The following NOMO1 variants were observed in gnomAD, a reference collection of about 807,000 sequenced individuals.
The protein encoded by NOMO1 is nodal modulator 3.
A neutral mutation model predicts 133.8 loss-of-function variants in NOMO1; 40 were observed. That is an observed-to-expected ratio of 0.30 (90% CI 0.23 to 0.39). The LOEUF (loss-of-function observed/expected upper bound fraction) is 0.39, where lower values mean the gene tolerates loss of function less well. Among genes scored for constraint, NOMO1 ranks in the 10% least tolerant of loss-of-function variants. The pLI is 1.00. For synonymous variants in NOMO1, 236 were observed against 570.5 expected, an observed-to-expected ratio of 0.41 and a Z score of 8.36; for missense variants, 462 against 1,419.9, an observed-to-expected ratio of 0.33 and a Z score of 10.84.
At position 14,875,029 on chromosome 16, in the gene NOMO1, C is replaced by G. The variant is rs754349582; in HGVS notation, c.2055-7C>G. The stretch of plus-strand genomic sequence containing the variant: ...CAACTATGTCCTAGGGGCCGTCTTT[C>G]TTCTAGGTCTTCCATCGACAGTGAA... On this transcript the variant is annotated splice_polypyrimidine_tract_variant and splice_region_variant and intron_variant, in intron 18 of 30. Coordinates refer to ENST00000287667, the MANE Select transcript of NOMO1 (RefSeq NM_014287.4). 2 of 1,613,828 alleles carry G rather than the reference C, an allele frequency of 1.2e-6. No homozygotes were observed. The highest frequency in any genetic ancestry group is 3.3e-5 in the Admixed American group (2 of 60,018).
At chr16:14,887,916 G>A (rs961174071) in intron 28 of NOMO1, 7 of 150,200 alleles carry the variant, frequency 4.7e-5, no homozygotes, top group Admixed American at 1.3e-4. Flanking sequence ...AACGTGTGTC[G>A]TGTAGAACAC....
chr16:14,879,691 G>A (rs1364535983), intron 23 of NOMO1, among the ~76,000 whole-genome samples: 1 of 140,986 alleles, frequency 7.1e-6, no homozygotes, highest in African/African-American at 2.7e-5. Flanking sequence ...ACTACGGTGT[G>A]CTGTGATCGT....
At chr16:14,884,112 C>T (rs1230821601) in intron 26 of NOMO1, among the ~76,000 whole-genome samples, 676 of 118,756 alleles carry the variant, frequency 5.7e-3, no homozygotes, top group Middle Eastern at 0.025. Context: ...ATGAAATTTC[C>T]TAATTTTTAA....
chr16:14,846,024 C>CTT (rs1195109475), intron 4 of NOMO1, among the ~76,000 whole-genome samples: 9 of 122,968 alleles, frequency 7.3e-5, no homozygotes, highest in African/African-American at 1.3e-4. Context: ...TGTACATTTA[C>CTT]TTTTTTTTTT....
chr16:14,874,062 A>T (rs1350967395), intron 18 of NOMO1, among the ~76,000 whole-genome samples: 2 of 37,278 alleles, frequency 5.4e-5, no homozygotes, highest in African/African-American at 8.6e-5. Flanking sequence ...GCAGCTTCCC[A>T]GCTGGGCTTC....
At chr16:14,879,088 C>T (rs995105016) in intron 23 of NOMO1, among the ~76,000 whole-genome samples, 11 of 151,832 alleles carry the variant, frequency 7.2e-5, no homozygotes, top group Non-Finnish European at 1.6e-4. Flanking sequence ...AATTAATTTC[C>T]CTGGCCACAA....
intron 30 of NOMO1, 61 bp from the exon 31 acceptor site, chr16:14,895,453 G>T: frequency 1.2e-6 from 2 of 1,609,198 alleles, no homozygotes; most frequent in South Asian, 2.2e-5. Context: ...AGGCTCCGCT[G>T]TTCATCTGGC....
chr16:14,871,173 C>G (rs1778886271), intron 16 of NOMO1, among the ~76,000 whole-genome samples: 1 of 151,772 alleles, frequency 6.6e-6, no homozygotes. Context: ...TCACACTTTT[C>G]TGGGGCTTCC....
chr16:14,885,253 G>A (rs1030895117), intron 27 of NOMO1, among the ~76,000 whole-genome samples: 1 of 151,900 alleles, frequency 6.6e-6, no homozygotes, highest in Non-Finnish European at 1.5e-5. Flanking sequence ...CAGAGGTGGT[G>A]GACGGTGGGC....
At chr16:14,857,113 C>T (rs1349269083) in intron 9 of NOMO1, 104 bp from the exon 10 acceptor site, 1 of 1,487,880 alleles carries the variant, frequency 6.7e-7, no homozygotes, top group East Asian at 2.3e-5. Flanking sequence ...AGGTGGGCGG[C>T]AGGAGCAGAC....
In NOMO1 at chr16:14,882,681, A is replaced by T; in HGVS notation, c.3111+4A>T. 6.2e-7 allele frequency: 1 copy of T among 1,611,686 alleles called. No individual in the cohort carries two copies. Among genetic ancestry groups the T allele is most frequent in the Non-Finnish European group, 8.5e-7 (1 of 1,179,798 alleles). Reference sequence around the variant, plus strand: ...CCCCCACCATAGGGTGATTGAGGTAAGGCATTCAGTGCTGCCGCTGCACCT... The same window carrying T: ...CCCCCACCATAGGGTGATTGAGGTATGGCATTCAGTGCTGCCGCTGCACCT... On this transcript the variant is annotated splice_donor_region_variant and intron_variant, in intron 26 of 30. Coordinates refer to ENST00000287667, the MANE Select transcript of NOMO1 (RefSeq NM_014287.4).
intron 12 of NOMO1, 47 bp from the exon 13 acceptor site, chr16:14,864,538 A>C (rs1963963456): frequency 1.2e-6 from 2 of 1,611,808 alleles, no homozygotes; most frequent in Admixed American, 3.3e-5. Context: ...GTCAGGGGGA[A>C]GATCTCCCCG....
intron 1 of NOMO1, among the ~76,000 whole-genome samples, chr16:14,834,627 AG>A (rs1265043553): frequency 2.7e-5 from 4 of 147,342 alleles, no homozygotes; most frequent in Admixed American, 6.7e-5. Context: ...GAGAGTTGCC[AG>A]CTGCCCTGAT....
intron 11 of NOMO1, among the ~76,000 whole-genome samples, chr16:14,859,355 C>T (rs1963888854): frequency 6.6e-6 from 1 of 151,942 alleles, no homozygotes; most frequent in Non-Finnish European, 1.5e-5. Context: ...AGCAAATTAC[C>T]CTCAGAAAGT....
chr16:14,884,955 C>T (rs1185537299), intron 27 of NOMO1, among the ~76,000 whole-genome samples: 5 of 151,962 alleles, frequency 3.3e-5, no homozygotes, highest in African/African-American at 1.2e-4. Context: ...GTACAGGAAG[C>T]ATAGTGGTGT....
At chr16:14,867,737 G>A (rs1964024882) in intron 15 of NOMO1, among the ~76,000 whole-genome samples, 1 of 148,886 alleles carries the variant, frequency 6.7e-6, no homozygotes, top group Non-Finnish European at 1.5e-5. Context: ...TGTTTCATGT[G>A]CCAACTTACT....
In NOMO1 at chr16:14,876,757, C is replaced by G. The variant is rs1471156588; in HGVS notation, c.2610C>G (p.Phe870Leu). ...CGGTGGAAGGAACCATCGGAGACTTCAAGGCCTATGCCCTGGCAGGCGTAA... is the reference window on the plus strand; with the variant it reads ...CGGTGGAAGGAACCATCGGAGACTTGAAGGCCTATGCCCTGGCAGGCGTAA... Reference protein sequence around the residue: ...LTAVEGTIGDFKAYALAGVSF... With the variant: ...LTAVEGTIGDLKAYALAGVSF... Residue 870 changes from phenylalanine to leucine, a missense_variant, in exon 22 of 31, where the codon TTC (phenylalanine) becomes TTG (leucine). Phe to Leu is a conservative substitution (Grantham distance 22). Coordinates refer to ENST00000287667, the MANE Select transcript of NOMO1 (RefSeq NM_014287.4). 6.2e-7 allele frequency: 1 copy of G among 1,610,834 alleles called. No homozygotes were observed. Among genetic ancestry groups the G allele is most frequent in the Non-Finnish European group, 8.5e-7 (1 of 1,179,740 alleles).
At chr16:14,836,961 TCC>T (rs1477847515) in intron 1 of NOMO1, among the ~76,000 whole-genome samples, 2 of 151,930 alleles carry the variant, frequency 1.3e-5, no homozygotes, top group Admixed American at 6.5e-5. Flanking sequence ...CGCCTCGGCC[TCC>T]CAAAGTGCTG....
rs367915791 is a variant in NOMO1 at position 14,866,601 on chromosome 16, G to A, written c.1716G>A (p.Glu572=). The A allele has an allele frequency of 9.9e-6, 16 of 1,609,936 alleles. No homozygotes were observed. In the African/African-American group the frequency reaches 2.0e-4, roughly 21 times the overall value. Reference sequence around the variant, plus strand: ...GGTGCTGGAAGAACAAGAGCCTGGAGGTGGAAGTGCTGGAGGATGACATGT... The same window carrying A: ...GGTGCTGGAAGAACAAGAGCCTGGAAGTGGAAGTGCTGGAGGATGACATGT... ...EDWCWKNKSL[E]VEVLEDDMSA... Residue 572 remains glutamate (E), a synonymous_variant, in exon 15 of 31, where the codon GAG becomes GAA. Transcript: ENST00000287667.
Sources: gnomAD v4.1 joint callset for allele counts (sites outside exome capture counted in the v4.1 genomes callset) on GRCh38, gnomAD v4.1.1 for gene constraint, MANE v1.5 for transcripts, NCBI Gene and HGNC (gene_info 2026-07-23, HGNC 2026-07-21) for gene names.